KIF13A: variants seen among roughly 807,000 people sequenced by gnomAD.
KIF13A encodes kinesin family member 13A.
Under a neutral mutation model 212.2 loss-of-function variants are expected in KIF13A, and 79 were observed. That is an observed-to-expected ratio of 0.37 (90% CI 0.31 to 0.45). KIF13A has a LOEUF of 0.45. Ranked by LOEUF, KIF13A falls within the 20% of genes least tolerant of loss-of-function variation. The probability of loss-of-function intolerance (pLI) is 1.00; values close to 1 mark genes in which losing one functional copy is unlikely to be tolerated. For missense variants in KIF13A, 1,901 were observed against 2,209.0 expected (o/e 0.86, Z 2.79); for synonymous variants, 789 against 808.6 (o/e 0.98, Z 0.41).
intron 16 of KIF13A, among the ~76,000 whole-genome samples, chr6:17,824,491 G>C (rs1231154569): frequency 6.6e-6 from 1 of 152,026 alleles, no homozygotes; most frequent in Non-Finnish European, 1.5e-5. Context: ...TGGGCGTGGT[G>C]GCTCATGCCT....
At chr6:17,950,478 T>C in intron 2 of KIF13A, 5 of 984,906 alleles carry the variant, frequency 5.1e-6, no homozygotes, top group Non-Finnish European at 6.0e-6. Context: ...TGGTCAAATT[T>C]ACCTTCTTAC....
At chr6:17,879,121 G>C (rs978338773) in intron 3 of KIF13A, among the ~76,000 whole-genome samples, 5 of 152,158 alleles carry the variant, frequency 3.3e-5, no homozygotes, top group Non-Finnish European at 5.9e-5. Context: ...AGCTGGAAGT[G>C]ATCTCCCAAT....
chr6:17,875,715 A>C (rs531246383), intron 3 of KIF13A, among the ~76,000 whole-genome samples: 1 of 152,166 alleles, frequency 6.6e-6, no homozygotes, highest in South Asian at 2.1e-4. Context: ...TCAGCCTCCC[A>C]AAGTGCTGAG....
In KIF13A at chr6:17,871,578, T is replaced by C. The variant is rs1161299216; in HGVS notation, c.220+1799A>G. Among the ~76,000 whole-genome samples the C allele has an allele frequency of 2.0e-5, 3 of 152,178 alleles. No individual in the cohort carries two copies. Among genetic ancestry groups the C allele is most frequent in the African/African-American group, 7.2e-5 (3 of 41,446 alleles). On this transcript the variant is annotated intron_variant, in intron 4 of 38. Coordinates refer to ENST00000259711, the MANE Select transcript of KIF13A (RefSeq NM_022113.6). The surrounding 1 kb of genome is among the most constrained non-coding windows in gnomAD (Gnocchi z 4.4). ...CTTAAAAAATTATTGTGAGACTTTCTGGCTTCCTGAGTTATATGAGAGGAA... is the reference window on the plus strand; with the variant it reads ...CTTAAAAAATTATTGTGAGACTTTCCGGCTTCCTGAGTTATATGAGAGGAA...
Position 17,816,919 on chromosome 6 carries a change from C to G in KIF13A, c.2000+101G>C. ...TATCACGTATGGGATTAAGAGTTCT[C>G]TTGTTGCTAGGTTTGTCCCTGACAT... On this transcript the variant is annotated intron_variant, in intron 17 of 38. Coordinates refer to ENST00000259711, the MANE Select transcript of KIF13A (RefSeq NM_022113.6). The surrounding 1 kb of genome is among the most constrained non-coding windows in gnomAD (Gnocchi z 4.3). The G allele has an allele frequency of 1.2e-6, 1 of 855,360 alleles. No homozygotes were observed. 53.0% of individuals were successfully genotyped at this position (855,360 alleles called of 1,614,324 possible). A position where few individuals can be genotyped will look rare whatever the true frequency, so the allele number is the denominator to read the frequency against.
intron 3 of KIF13A, among the ~76,000 whole-genome samples, chr6:17,877,238 A>G (rs1280920674): frequency 6.6e-6 from 1 of 151,946 alleles, no homozygotes. Context: ...ATTTAGGTAT[A>G]TATGATGTAC....
intron 18 of KIF13A, among the ~76,000 whole-genome samples, chr6:17,808,386 AAAAC>A (rs3076207): frequency 1.2e-4 from 18 of 150,938 alleles, no homozygotes; most frequent in Non-Finnish European, 2.1e-4. Context: ...ACTCAGTCTA[AAAAC>A]AAACAAACAA....
rs1309026785 is a variant in KIF13A at position 17,871,670 on chromosome 6, G to C, written c.220+1707C>G. Among the ~76,000 whole-genome samples the C allele has an allele frequency of 6.6e-6, 1 of 152,148 alleles. No homozygotes were observed. Among genetic ancestry groups the C allele is most frequent in the African/African-American group, 2.4e-5 (1 of 41,422 alleles). The stretch of plus-strand genomic sequence containing the variant: ...GAGGAGTCCCAGAAGAGACAGTGGA[G>C]AAGGTAGAATGGGGTTATATAATAA... On this transcript the variant is annotated intron_variant, in intron 4 of 38. Coordinates refer to ENST00000259711, the MANE Select transcript of KIF13A (RefSeq NM_022113.6). This position sits in a 1 kb window ranked among gnomAD's most constrained non-coding sequence, Gnocchi z 4.4.
At position 17,764,784 on chromosome 6, in the gene KIF13A, A is replaced by G; in HGVS notation, c.4744T>C (p.Leu1582=). Residue 1582 remains leucine (L), a synonymous_variant, in exon 39 of 39, where the codon TTG becomes CTG. Transcript: ENST00000259711. This position sits in a 1 kb window ranked among gnomAD's most constrained non-coding sequence, Gnocchi z 5.1. The part of the protein sequence containing the change: ...SKVDLSNSRV[L]EKEVSRSPTT... ...GGGCTACGGGACACTTCTTTCTCCA[A>G]GACCCGTGAGTTTGACAGATCTACT... 1 of 1,613,252 alleles carries G rather than the reference A, an allele frequency of 6.2e-7. No homozygotes were observed. Among genetic ancestry groups the G allele is most frequent in the Non-Finnish European group, 8.5e-7 (1 of 1,179,578 alleles).
intron 2 of KIF13A, among the ~76,000 whole-genome samples, chr6:17,957,770 G>C (rs1778470276): frequency 6.6e-6 from 1 of 152,186 alleles, no homozygotes; most frequent in Non-Finnish European, 1.5e-5. Context: ...TGTGTTGCTT[G>C]TTGTGGTGTG....
chr6:17,805,392 T>C, intron 19 of KIF13A, 83 bp downstream of exon 19: 1 of 557,638 alleles, frequency 1.8e-6, no homozygotes, highest in Non-Finnish European at 3.0e-6. Context: ...TGTGTGTGTG[T>C]GTGTGTGTGT....
chr6:17,795,434 A>C (rs577201365), intron 23 of KIF13A, among the ~76,000 whole-genome samples: 91 of 151,916 alleles, frequency 6.0e-4, no homozygotes, highest in African/African-American at 2.1e-3. Context: ...AATACAAAAA[A>C]AAAAAAAAAA....
At position 17,849,188 on chromosome 6, in the gene KIF13A, C is replaced by A. The variant is rs559612662; in HGVS notation, c.830+189G>T. On this transcript the variant is annotated intron_variant, in intron 9 of 38. Transcript: ENST00000259711. This position sits in a 1 kb window ranked among gnomAD's most constrained non-coding sequence, Gnocchi z 5.7. ...AAAGTACTGGGATTACAGGCATGAG[C>A]CACCGTGCCTGGCCAAAAACCTCAT... Among the ~76,000 whole-genome samples the A allele has an allele frequency of 5.3e-5, 8 of 152,200 alleles. No individual in the cohort carries two copies. The highest frequency in any genetic ancestry group is 1.2e-4 in the Non-Finnish European group (8 of 68,040).
chr6:17,940,317 C>T (rs1029902786), intron 2 of KIF13A, among the ~76,000 whole-genome samples: 1 of 152,232 alleles, frequency 6.6e-6, no homozygotes, highest in African/African-American at 2.4e-5. Context: ...TCTGTAAATC[C>T]GTGGTGGGTC....
At position 17,961,208 on chromosome 6, in the gene KIF13A, A is replaced by C. The variant is rs1384847840; in HGVS notation, c.146+25846T>G. Reference sequence around the variant, plus strand: ...CACTTCAAACTGGAGAAAATACGGAAGTGGAAACTGGGATGTGCAGCTTAA... The same window carrying C: ...CACTTCAAACTGGAGAAAATACGGACGTGGAAACTGGGATGTGCAGCTTAA... On this transcript the variant is annotated intron_variant, in intron 2 of 38. Transcript: ENST00000259711. This position sits in a 1 kb window ranked among gnomAD's most constrained non-coding sequence, Gnocchi z 4.1. Among the ~76,000 whole-genome samples the C allele has an allele frequency of 6.6e-6, 1 of 152,192 alleles. No homozygotes were observed. Among genetic ancestry groups the C allele is most frequent in the East Asian group, 1.9e-4 (1 of 5,204 alleles).
intron 18 of KIF13A, among the ~76,000 whole-genome samples, chr6:17,808,290 G>A (rs1485844073): frequency 6.6e-6 from 1 of 152,182 alleles, no homozygotes; most frequent in African/African-American, 2.4e-5. Flanking sequence ...GGAGGTTGAG[G>A]TAGGAGAATT....
chr6:17,874,732 T>C (rs891316015), intron 3 of KIF13A, among the ~76,000 whole-genome samples: 3 of 152,040 alleles, frequency 2.0e-5, no homozygotes, highest in African/African-American at 7.2e-5. Flanking sequence ...CAGTGTACAC[T>C]GCATCATATT....
At chr6:17,803,523 C>T (rs560201620) in intron 20 of KIF13A, among the ~76,000 whole-genome samples, 3 of 152,228 alleles carry the variant, frequency 2.0e-5, no homozygotes, top group East Asian at 1.9e-4. Context: ...GGTAGTTCAA[C>T]GTACATTTTC....
At chr6:17,925,316 C>T (rs373284868) in intron 2 of KIF13A, among the ~76,000 whole-genome samples, 131 of 152,200 alleles carry the variant, frequency 8.6e-4, no homozygotes, top group Non-Finnish European at 1.3e-3. Context: ...TTCGCTTGAG[C>T]GGGAGGAAGA....
Sources: allele counts gnomAD v4.1 joint callset (sites outside exome capture counted in the v4.1 genomes callset), GRCh38; gene constraint gnomAD v4.1.1; non-coding constraint Gnocchi (gnomAD v3.1); transcripts MANE v1.5; gene names NCBI Gene and HGNC (gene_info 2026-07-23, HGNC 2026-07-21).